The following ZMYM2 variants were observed in gnomAD, a reference collection of about 807,000 sequenced individuals.
ZMYM2 encodes zinc finger MYM-type protein 2.
In ZMYM2, 56 loss-of-function variants were observed where a neutral mutation model predicts 162.8. The ratio of observed to expected loss-of-function variants is 0.34; its 90% CI spans 0.28 to 0.43. The LOEUF (loss-of-function observed/expected upper bound fraction) is 0.43, where lower values mean the gene tolerates loss of function less well. Among genes scored for constraint, ZMYM2 ranks in the 20% least tolerant of loss-of-function variants. The pLI, the probability that ZMYM2 is intolerant of heterozygous loss-of-function variation, is 1.00. For synonymous variants in ZMYM2, 510 were observed against 541.6 expected, an observed-to-expected ratio of 0.94 and a Z score of 0.81; for missense variants, 1,275 against 1,621.8, an observed-to-expected ratio of 0.79 and a Z score of 3.67.
In ZMYM2 at chr13:20,059,502, C is replaced by T. The variant is rs752543674; in HGVS notation, c.2679C>T (p.Ile893=). 6.5e-7 allele frequency: 1 copy of T among 1,533,256 alleles called. No individual in the cohort carries two copies. The highest frequency in any genetic ancestry group is 9.0e-7 in the Non-Finnish European group (1 of 1,106,490). The allele number at this position is 1,533,256 out of a possible 1,614,324, so 95.0% of individuals were successfully genotyped here. A position where few individuals can be genotyped will look rare whatever the true frequency, so the allele number is the denominator to read the frequency against. Residue 893 remains isoleucine (I), a synonymous_variant, in exon 16 of 25, where the codon ATC becomes ATT. Coordinates refer to ENST00000610343, the MANE Select transcript of ZMYM2 (RefSeq NM_197968.4). The part of the protein sequence containing the change: ...VPVPIPVPVY[I]PVPMHMYSQN... ...TGCCTATCCCTGTGCCTGTGTATATCCCAGTTCCTATGCACATGTACAGTC... is the reference window on the plus strand; with the variant it reads ...TGCCTATCCCTGTGCCTGTGTATATTCCAGTTCCTATGCACATGTACAGTC...
At chr13:19,942,332 A>T in the ZMYM2 span, among the ~76,000 whole-genome samples, 1 of 151,702 alleles carries the variant, frequency 6.6e-6, no homozygotes, top group Non-Finnish European at 1.5e-5. Context: ...ATACAATTCT[A>T]TGGGGGAAGT....
chr13:19,959,434 C>T (rs545761981), intron 1 of ZMYM2, among the ~76,000 whole-genome samples: 86 of 152,202 alleles, frequency 5.7e-4, no homozygotes, highest in African/African-American at 2.0e-3. Flanking sequence ...TTGCTCCGCA[C>T]GTATTGTTTG....
chr13:19,926,204 AC>A, the ZMYM2 span, among the ~76,000 whole-genome samples: 1 of 151,290 alleles, frequency 6.6e-6, no homozygotes, highest in African/African-American at 2.4e-5. Flanking sequence ...CAGGTGTTCC[AC>A]CCACCTCGGC....
At chr13:19,917,205 G>T in the ZMYM2 span, among the ~76,000 whole-genome samples, 4 of 151,858 alleles carry the variant, frequency 2.6e-5, no homozygotes, top group African/African-American at 9.7e-5. Flanking sequence ...CTCGTGATCC[G>T]CCCGCCTTGG....
At chr13:19,957,922 C>G (rs558594262), upstream of ZMYM2, among the ~76,000 whole-genome samples, 1 of 152,324 alleles carries the variant, frequency 6.6e-6, no homozygotes, top group South Asian at 2.1e-4. Flanking sequence ...CGCCAGCAGC[C>G]GGGGTTGTTC....
intron 23 of ZMYM2, among the ~76,000 whole-genome samples, chr13:20,083,335 T>G (rs1958033124): frequency 6.6e-6 from 1 of 152,228 alleles, no homozygotes; most frequent in Non-Finnish European, 1.5e-5. Context: ...GTGCTGGGAT[T>G]ACAGGCGTGA....
At chr13:19,895,494 G>C in the ZMYM2 span, among the ~76,000 whole-genome samples, 1 of 151,844 alleles carries the variant, frequency 6.6e-6, no homozygotes, top group African/African-American at 2.4e-5. Context: ...CCCGCTGTGG[G>C]GACTCTCTGA....
chr13:20,034,307 G>T lies in ZMYM2; in HGVS notation c.2022G>T (p.Leu674Phe). The change falls in exon 11 of 25, where the codon TTG (leucine) becomes TTT (phenylalanine). Residue 674 changes from leucine to phenylalanine, a missense_variant. By Grantham distance (22) the Leu-to-Phe change is conservative (BLOSUM62 0). This residue lies in a region of ZMYM2 where 276 missense variants were observed against 311.8 expected (regional missense o/e 0.89). Transcript: ENST00000610343. ...CTTGTTCAGATGACTATAAGAAGTTGCATTGCATAGTTACATATTGCGAAT... is the reference window on the plus strand; with the variant it reads ...CTTGTTCAGATGACTATAAGAAGTTTCATTGCATAGTTACATATTGCGAAT... ...SKTCSDDYKKLHCIVTYCEYC... is the reference protein window; with the variant it reads ...SKTCSDDYKKFHCIVTYCEYC... The T allele has an allele frequency of 2.5e-6, 4 of 1,610,682 alleles. No individual in the cohort carries two copies. The highest frequency in any genetic ancestry group is 3.4e-6 in the Non-Finnish European group (4 of 1,178,772).
chr13:19,925,124 TCTGC>T, the ZMYM2 span, among the ~76,000 whole-genome samples: 1 of 152,218 alleles, frequency 6.6e-6, no homozygotes, highest in Non-Finnish European at 1.5e-5. Flanking sequence ...CCTCAGGTGA[TCTGC>T]CTGCCTTGGC....
chr13:20,050,458 G>T (rs1475006945), intron 12 of ZMYM2, among the ~76,000 whole-genome samples: 1 of 151,838 alleles, frequency 6.6e-6, no homozygotes, highest in Non-Finnish European at 1.5e-5. Context: ...ATACTTAACA[G>T]TTATTACTTT....
At chr13:19,886,310 G>A in the ZMYM2 span, among the ~76,000 whole-genome samples, 3 of 149,570 alleles carry the variant, frequency 2.0e-5, no homozygotes, top group Admixed American at 6.7e-5. Flanking sequence ...GATTACAGGC[G>A]TACACCACCA....
chr13:19,924,400 A>C, the ZMYM2 span, among the ~76,000 whole-genome samples: 2 of 151,524 alleles, frequency 1.3e-5, no homozygotes, highest in African/African-American at 4.9e-5. Context: ...CCTCATCTTT[A>C]CAAAAAAAAA....
chr13:20,081,458 C>A (rs961065357), intron 21 of ZMYM2, among the ~76,000 whole-genome samples: 10 of 152,098 alleles, frequency 6.6e-5, no homozygotes, highest in African/African-American at 2.2e-4. Flanking sequence ...TTACAAGATT[C>A]ATAAATTTGC....
chr13:20,041,936 G>A (rs1201867718), intron 12 of ZMYM2, among the ~76,000 whole-genome samples: 1 of 152,070 alleles, frequency 6.6e-6, no homozygotes, highest in Non-Finnish European at 1.5e-5. Context: ...CTATTAGTCC[G>A]ATGAGTTTCC....
chr13:19,916,150 C>CG, the ZMYM2 span, among the ~76,000 whole-genome samples: 1 of 151,842 alleles, frequency 6.6e-6, no homozygotes, highest in Non-Finnish European at 1.5e-5. Flanking sequence ...TGTAAGCCAC[C>CG]GCACCCACCC....
intron 11 of ZMYM2, among the ~76,000 whole-genome samples, chr13:20,036,500 A>G (rs1240381371): frequency 6.6e-6 from 1 of 152,194 alleles, no homozygotes; most frequent in African/African-American, 2.4e-5. Context: ...AATAATTCTG[A>G]GACATTACTA....
intron 1 of ZMYM2, among the ~76,000 whole-genome samples, chr13:19,959,686 C>T (rs918215498): frequency 1.1e-4 from 17 of 152,172 alleles, no homozygotes; most frequent in African/African-American, 4.1e-4. Flanking sequence ...CCCTTCCCCC[C>T]TCCCTTCCCG....
intron 21 of ZMYM2, among the ~76,000 whole-genome samples, chr13:20,071,607 C>A (rs1332122874): frequency 6.6e-6 from 1 of 152,202 alleles, no homozygotes; most frequent in Non-Finnish European, 1.5e-5. Context: ...CGTGGCCAGT[C>A]CAGGGCACTC....
rs1950817083 is a variant in ZMYM2, at chr13:20,007,279, G to T, written c.1512+693G>T. On this transcript the variant is annotated intron_variant, in intron 6 of 24. Transcript: ENST00000610343. Reference sequence around the variant, plus strand: ...GCCTCCCAAGTAGCTGGGATTACAGGCATGCGCCACCACACCCGGCTAATT... The same window carrying T: ...GCCTCCCAAGTAGCTGGGATTACAGTCATGCGCCACCACACCCGGCTAATT... Among the ~76,000 whole-genome samples, 3 of 152,028 alleles carry T rather than the reference G, an allele frequency of 2.0e-5. No individual in the cohort carries two copies. The South Asian group carries it at 6.2e-4, about 32-fold the overall frequency.
Sources: allele counts gnomAD v4.1 joint callset (sites outside exome capture counted in the v4.1 genomes callset), GRCh38; gene constraint gnomAD v4.1.1; regional missense constraint gnomAD v4.1.1; transcripts MANE v1.5; gene names NCBI Gene and HGNC (gene_info 2026-07-23, HGNC 2026-07-21).